Variants in AFF2 observed in about 807,000 individuals in gnomAD.
AFF2 encodes ALF transcription elongation factor 2.
Under a neutral mutation model 76.9 loss-of-function variants are expected in AFF2, and 14 were observed. The observed-to-expected ratio is 0.18, with a 90% confidence interval of 0.12 to 0.28. The LOEUF is 0.28. Ranked by LOEUF, AFF2 falls within the 10% of genes least tolerant of loss-of-function variation. AFF2 has a pLI of 1.00. For synonymous variants in AFF2, 398 were observed against 366.7 expected, an observed-to-expected ratio of 1.09 and a Z score of -0.98; for missense variants, 868 against 1,001.1, an observed-to-expected ratio of 0.87 and a Z score of 1.79.
intron 16 of AFF2, among the ~76,000 whole-genome samples, chrX:148,976,285 T>A (rs1557290260): frequency 8.9e-6 from 1 of 112,253 alleles, no homozygotes; most frequent in East Asian, 2.8e-4. Context: ...ACATCTTGCT[T>A]AACTATATTA....
intron 19 of AFF2, among the ~76,000 whole-genome samples, chrX:148,984,295 G>A (rs1557291190): frequency 9.0e-6 from 1 of 111,489 alleles, no homozygotes; most frequent in African/African-American, 3.3e-5. Context: ...GAGGATGGTG[G>A]GTTGGACCAG....
At chrX:148,768,426 ACGTCACTT>A (rs2069546059) in intron 3 of AFF2, among the ~76,000 whole-genome samples, 1 of 110,700 alleles carries the variant, frequency 9.0e-6, no homozygotes, top group South Asian at 3.9e-4. Context: ...CACCTCCTTG[ACGTCACTT>A]CCAGGCCTTC....
At chrX:148,937,608 A>G (rs1409141046) in intron 9 of AFF2, among the ~76,000 whole-genome samples, 1 of 112,051 alleles carries the variant, frequency 8.9e-6, no homozygotes, top group African/African-American at 3.2e-5. Flanking sequence ...AGCTGTGTAC[A>G]AGCTTGTACA....
At chrX:148,519,454 A>G (rs1249264830) in intron 1 of AFF2, among the ~76,000 whole-genome samples, 1 of 112,339 alleles carries the variant, frequency 8.9e-6, no homozygotes, top group Non-Finnish European at 1.9e-5. Flanking sequence ...TGTACTAGAC[A>G]TCTCCCACTC....
At chrX:148,769,524 G>C (rs2069560361) in intron 3 of AFF2, among the ~76,000 whole-genome samples, 1 of 111,798 alleles carries the variant, frequency 8.9e-6, no homozygotes, top group African/African-American at 3.2e-5. Flanking sequence ...CTCAGAATGT[G>C]TCACTGGGAA....
intron 1 of AFF2, among the ~76,000 whole-genome samples, chrX:148,544,595 A>G (rs150389771): frequency 0.028 from 3,164 of 112,236 alleles, 78 homozygotes; most frequent in African/African-American, 0.077. Flanking sequence ...TGTTAATGAG[A>G]TTAATATTTT....
intron 4 of AFF2, among the ~76,000 whole-genome samples, chrX:148,823,633 A>G (rs1191116593): frequency 2.7e-5 from 3 of 111,335 alleles, no homozygotes; most frequent in Non-Finnish European, 3.8e-5. Context: ...AATAAAATCA[A>G]ATATTGTTTT....
At chrX:148,640,605 T>C (rs945936777) in intron 1 of AFF2, among the ~76,000 whole-genome samples, 1 of 112,481 alleles carries the variant, frequency 8.9e-6, no homozygotes, top group Non-Finnish European at 1.9e-5. Context: ...ACTAATCATA[T>C]CGAGAGACAA....
intron 9 of AFF2, among the ~76,000 whole-genome samples, chrX:148,937,800 T>C (rs1457096230): frequency 5.3e-5 from 6 of 112,320 alleles, no homozygotes; most frequent in Admixed American, 1.9e-4. Flanking sequence ...TGTTTTTCAA[T>C]AATAGATTTA....
At chrX:148,915,963 A>G (rs2071522585) in intron 9 of AFF2, among the ~76,000 whole-genome samples, 1 of 111,751 alleles carries the variant, frequency 8.9e-6, no homozygotes, top group Non-Finnish European at 1.9e-5. Flanking sequence ...CTACAGAAAC[A>G]TCTGTTTACA....
chrX:148,662,982 CAG>C (rs1216078161), intron 3 of AFF2, among the ~76,000 whole-genome samples: 1 of 111,820 alleles, frequency 8.9e-6, no homozygotes, highest in Non-Finnish European at 1.9e-5. Context: ...TTTGGAATGA[CAG>C]AAGACAAGGT....
At position 148,894,505 on chromosome X, in the gene AFF2, G is replaced by T. The variant is rs138868174; in HGVS notation, c.1359+8520G>T. Among the ~76,000 whole-genome samples, 594 of 111,999 alleles carry T rather than the reference G, an allele frequency of 5.3e-3. 2 individuals are homozygous for T. Among genetic ancestry groups the T allele is most frequent in the Non-Finnish European group, 8.8e-3 (468 of 53,180 alleles). On this transcript the variant is annotated intron_variant, in intron 8 of 20. Coordinates refer to ENST00000370460, the MANE Select transcript of AFF2 (RefSeq NM_002025.4). ...ACATTAACCATTCAAAATACAGGTG[G>T]ATGGGCGGAAAAAAGAAACAAAACT...
intron 3 of AFF2, among the ~76,000 whole-genome samples, chrX:148,673,051 C>T (rs2054442478): frequency 8.9e-6 from 1 of 111,813 alleles, no homozygotes; most frequent in Non-Finnish European, 1.9e-5. Context: ...AAGTAGTTAG[C>T]AAGGAACAGA....
intron 1 of AFF2, among the ~76,000 whole-genome samples, chrX:148,558,975 C>T (rs2053081213): frequency 9.0e-6 from 1 of 110,752 alleles, no homozygotes; most frequent in Non-Finnish European, 1.9e-5. Flanking sequence ...CTGTTGGTGC[C>T]CTTAGTGTGT....
rs1276001856 is a variant in AFF2 at position 148,870,067 on chromosome X, C to A, written c.1263-15822C>A. Among the ~76,000 whole-genome samples the A allele has an allele frequency of 3.6e-5, 4 of 111,141 alleles. No homozygotes were observed. The East Asian group carries it at 1.1e-3, about 32-fold the overall frequency. The stretch of plus-strand genomic sequence containing the variant: ...TAACAAGCCCATTTCCTGAATTTCC[C>A]TTTTCTGAATGGCAGCAATTTTAAC... On this transcript the variant is annotated intron_variant, in intron 7 of 20. Transcript: ENST00000370460.
At chrX:148,501,602 TTGG>T (rs1428934729) in intron 1 of AFF2, among the ~76,000 whole-genome samples, 1 of 113,143 alleles carries the variant, frequency 8.8e-6, no homozygotes, top group Non-Finnish European at 1.9e-5. Context: ...CTCTGCTTCC[TTGG>T]TGGCCACCGC....
intron 1 of AFF2, among the ~76,000 whole-genome samples, chrX:148,553,533 G>A (rs1042131341): frequency 1.8e-5 from 2 of 111,552 alleles, no homozygotes; most frequent in Non-Finnish European, 1.9e-5. Flanking sequence ...ATGTACTGTG[G>A]CCTTCTCTGA....
In AFF2 at chrX:148,520,033, TTAAC is replaced by T. The variant is rs2052577930; in HGVS notation, c.47+18892_47+18895del. ...ATCTGAGATGTTTCAAAGAGGGACT[TTAAC>T]TATCTAACAATTTAAAAACTTGCAA... On this transcript the variant is annotated intron_variant, in intron 1 of 20. Coordinates refer to ENST00000370460, the MANE Select transcript of AFF2 (RefSeq NM_002025.4). 2.7e-5 allele frequency among the ~76,000 whole-genome samples: 3 copies of T among 112,245 alleles called. No individual in the cohort carries two copies. The Admixed American group carries it at 2.8e-4, about 11-fold the overall frequency.
At chrX:148,505,647 T>A (rs1177675028) in intron 1 of AFF2, among the ~76,000 whole-genome samples, 1 of 111,676 alleles carries the variant, frequency 9.0e-6, no homozygotes, top group Non-Finnish European at 1.9e-5. Context: ...TTAACATAAT[T>A]TCAAAATTGT....
Sources: allele counts gnomAD v4.1 joint callset (sites outside exome capture counted in the v4.1 genomes callset), GRCh38; gene constraint gnomAD v4.1.1; transcripts MANE v1.5; gene names NCBI Gene and HGNC (gene_info 2026-07-23, HGNC 2026-07-21).